The following CHST15 variants were observed in gnomAD, a reference collection of about 807,000 sequenced individuals.
CHST15 encodes carbohydrate sulfotransferase 15, also known as B cell RAG associated protein (GALNAC4S-6ST).
A neutral mutation model predicts 53.6 loss-of-function variants in CHST15; 30 were observed. That is an observed-to-expected ratio of 0.56 (90% CI 0.42 to 0.76). The LOEUF (loss-of-function observed/expected upper bound fraction) is 0.76, where lower values mean the gene tolerates loss of function less well. CHST15 is among the 30% of genes least tolerant of loss of function. The pLI, the probability that CHST15 is intolerant of heterozygous loss-of-function variation, is 0.00. For missense variants in CHST15, 627 were observed against 740.5 expected (o/e 0.85, Z 1.78); for synonymous variants, 296 against 289.8 (o/e 1.02, Z -0.22).
In CHST15 at chr10:124,074,367, A is replaced by G. The variant is rs1949011655; in HGVS notation, c.-513+19102T>C. On this transcript the variant is annotated intron_variant, in intron 1 of 7. Coordinates refer to ENST00000435907, the MANE Select transcript of CHST15 (RefSeq NM_001270764.2). This position sits in a 1 kb window ranked among gnomAD's most constrained non-coding sequence, Gnocchi z 4.4. ...GGAGGCAGTGAGCAGGAGACACTAA[A>G]CAGTGTGCCACCCAACTGCAAAGGG... 6.6e-6 allele frequency among the ~76,000 whole-genome samples: 1 copy of G among 152,132 alleles called. No individual in the cohort carries two copies. The highest frequency in any genetic ancestry group is 1.5e-5 in the Non-Finnish European group (1 of 68,016).
At chr10:124,042,816 C>T (rs1031470291) in intron 3 of CHST15, among the ~76,000 whole-genome samples, 18 of 152,170 alleles carry the variant, frequency 1.2e-4, no homozygotes, top group Non-Finnish European at 2.2e-4. Context: ...GCAGCGATGA[C>T]ACCCAGGATG....
At chr10:124,072,791 G>A (rs1948960348) in intron 1 of CHST15, among the ~76,000 whole-genome samples, 1 of 152,132 alleles carries the variant, frequency 6.6e-6, no homozygotes, top group Non-Finnish European at 1.5e-5. Context: ...AGTGAAACGT[G>A]ACCACGTGGG....
chr10:124,056,254 G>A (rs1057355500), intron 1 of CHST15, among the ~76,000 whole-genome samples: 2 of 152,098 alleles, frequency 1.3e-5, no homozygotes, highest in African/African-American at 2.4e-5. Flanking sequence ...AATCCCTTCC[G>A]AGAATACAGA....
At chr10:124,067,895 G>A (rs1292726580) in intron 1 of CHST15, among the ~76,000 whole-genome samples, 5 of 152,172 alleles carry the variant, frequency 3.3e-5, no homozygotes, top group Middle Eastern at 3.2e-3. Context: ...GATTACAGGC[G>A]GGAGCCACTG....
At chr10:124,072,987 C>G (rs1948967810) in intron 1 of CHST15, among the ~76,000 whole-genome samples, 1 of 152,166 alleles carries the variant, frequency 6.6e-6, no homozygotes, top group Non-Finnish European at 1.5e-5. Flanking sequence ...CTTATTTCAT[C>G]TTTCCAGAGA....
chr10:124,037,102 C>T (rs977245990), intron 5 of CHST15, among the ~76,000 whole-genome samples: 4 of 152,164 alleles, frequency 2.6e-5, no homozygotes, highest in African/African-American at 9.7e-5. Context: ...ACTCCAGCCT[C>T]GTCAAGAGGC....
chr10:124,045,207 CACTT>C (rs375915300), intron 2 of CHST15, among the ~76,000 whole-genome samples: 51 of 146,492 alleles, frequency 3.5e-4, no homozygotes, highest in African/African-American at 1.0e-3. Context: ...ACCTTTCTGA[CACTT>C]ACACAACACA....
intron 1 of CHST15, among the ~76,000 whole-genome samples, chr10:124,091,811 G>A (rs1314015672): frequency 6.6e-6 from 1 of 152,054 alleles, no homozygotes; most frequent in East Asian, 1.9e-4. Flanking sequence ...CTCCTTCGAA[G>A]ACTTCCCTAC....
At position 124,086,303 on chromosome 10, in the gene CHST15, C is replaced by T. The variant is rs73370278; in HGVS notation, c.-513+7166G>A. ...CCAACCGTGGGCCGGGCACGGAGCC[C>T]AGCACATCATATTCCTTGCCACAGG... On this transcript the variant is annotated intron_variant, in intron 1 of 7. Coordinates refer to ENST00000435907, the MANE Select transcript of CHST15 (RefSeq NM_001270764.2). 6.9e-3 allele frequency among the ~76,000 whole-genome samples: 1,056 copies of T among 152,364 alleles called. 10 individuals carry two copies. Among genetic ancestry groups the T allele is most frequent in the African/African-American group, 0.024 (1,012 of 41,582 alleles).
intron 1 of CHST15, among the ~76,000 whole-genome samples, chr10:124,050,939 C>G (rs1312920375): frequency 6.6e-6 from 1 of 152,026 alleles, no homozygotes; most frequent in East Asian, 1.9e-4. Context: ...GGAAGGCATA[C>G]TACATATTCT....
chr10:124,021,232 G>A (rs779087512), intron 6 of CHST15, 24 bp downstream of exon 6: 2 of 1,551,986 alleles, frequency 1.3e-6, no homozygotes, highest in African/African-American at 1.5e-5. Flanking sequence ...CAGCTCGGGG[G>A]GTACGGGGGG....
intron 1 of CHST15, among the ~76,000 whole-genome samples, chr10:124,069,409 G>A (rs944833724): frequency 6.6e-6 from 1 of 152,340 alleles, no homozygotes; most frequent in Admixed American, 6.5e-5. Flanking sequence ...GATGGAAATG[G>A]GGCAGAGGCA....
rs1946711986 is a variant in CHST15, at chr10:124,019,876, G to A, written c.1347+1380C>T. 7.1e-6 allele frequency: 7 copies of A among 985,950 alleles called. No homozygotes were observed. The highest frequency in any genetic ancestry group is 8.4e-6 in the Non-Finnish European group (7 of 830,350). The allele number at this position is 985,950 out of a possible 1,614,324, so 61.1% of individuals were successfully genotyped here. Reference sequence around the variant, plus strand: ...CAGTGCCCCCCATCTCCCACACCAGGCGGCTGGCTGCGTTCTGTATGGTAG... The same window carrying A: ...CAGTGCCCCCCATCTCCCACACCAGACGGCTGGCTGCGTTCTGTATGGTAG... On this transcript the variant is annotated intron_variant, in intron 6 of 7. Coordinates refer to ENST00000435907, the MANE Select transcript of CHST15 (RefSeq NM_001270764.2). The surrounding 1 kb of genome is among the most constrained non-coding windows in gnomAD (Gnocchi z 4.6).
intron 1 of CHST15, among the ~76,000 whole-genome samples, chr10:124,061,422 G>C (rs1948568465): frequency 6.6e-6 from 1 of 152,132 alleles, no homozygotes; most frequent in African/African-American, 2.4e-5. Context: ...AGTGCCTTTT[G>C]CCTCCCACCA....
chr10:124,045,771 C>G lies in CHST15; in HGVS notation c.442G>C (p.Asp148His). The G allele has an allele frequency of 6.2e-7, 1 of 1,614,134 alleles. No individual in the cohort carries two copies. Among genetic ancestry groups the G allele is most frequent in the Non-Finnish European group, 8.5e-7 (1 of 1,180,028 alleles). ...SSVNNISYMK[D>H]YPSIKLIINS... ...ATAATTAATTTAATGCTTGGATAGTCCTTCATGTATGAAATATTATTTACA... is the reference window on the plus strand; with the variant it reads ...ATAATTAATTTAATGCTTGGATAGTGCTTCATGTATGAAATATTATTTACA... The change falls in exon 2 of 8, where the codon GAC becomes CAC. Residue 148 changes from aspartate (D) to histidine (H), a missense_variant. Physicochemically the swap from Asp to His is moderately conservative, Grantham distance 81. Coordinates refer to ENST00000435907, the MANE Select transcript of CHST15 (RefSeq NM_001270764.2).
intron 5 of CHST15, among the ~76,000 whole-genome samples, chr10:124,029,395 C>T (rs1191546453): frequency 3.9e-5 from 6 of 152,216 alleles, no homozygotes; most frequent in African/African-American, 7.2e-5. Flanking sequence ...GTCCTAAAAA[C>T]GCCCAAATGA....
rs186187566 is a variant in CHST15 at position 124,048,010 on chromosome 10, C to T, written c.-512-1286G>A. On this transcript the variant is annotated intron_variant, in intron 1 of 7. Coordinates refer to ENST00000435907, the MANE Select transcript of CHST15 (RefSeq NM_001270764.2). Reference sequence around the variant, plus strand: ...AACCGCGCATCAAGATCGCCATGTACTGGCTGAAGGATTAAACAATCAGAA... The same window carrying T: ...AACCGCGCATCAAGATCGCCATGTATTGGCTGAAGGATTAAACAATCAGAA... Among the ~76,000 whole-genome samples, 5 of 152,338 alleles carry T rather than the reference C, an allele frequency of 3.3e-5. No homozygotes were observed. In the East Asian group the frequency reaches 9.6e-4, roughly 29 times the overall value.
At chr10:124,023,040 G>A (rs531048939) in intron 5 of CHST15, among the ~76,000 whole-genome samples, 4 of 151,912 alleles carry the variant, frequency 2.6e-5, no homozygotes, top group African/African-American at 4.8e-5. Flanking sequence ...GGCTGGTCCT[G>A]AACTCCTGCC....
intron 1 of CHST15, among the ~76,000 whole-genome samples, chr10:124,062,941 C>T (rs1040887471): frequency 6.6e-6 from 1 of 152,124 alleles, no homozygotes; most frequent in African/African-American, 2.4e-5. Context: ...GCTAAAGCTG[C>T]ATGCAGACCA....
Sources: gnomAD v4.1 joint callset for allele counts (sites outside exome capture counted in the v4.1 genomes callset) on GRCh38, gnomAD v4.1.1 for gene constraint, Gnocchi (gnomAD v3.1) non-coding constraint, MANE v1.5 for transcripts, NCBI Gene and HGNC (gene_info 2026-07-23, HGNC 2026-07-21) for gene names.